Variants in SP4 observed in about 807,000 individuals in gnomAD.
SP4 encodes the protein Sp4 transcription factor.
In SP4, 19 loss-of-function variants were observed where a neutral mutation model predicts 72.8. The ratio of observed to expected loss-of-function variants is 0.26; its 90% CI spans 0.18 to 0.38. The LOEUF (loss-of-function observed/expected upper bound fraction) is 0.38. Ranked by LOEUF, SP4 falls within the 10% of genes least tolerant of loss-of-function variation. The pLI, the probability that SP4 is intolerant of heterozygous loss-of-function variation, is 1.00. For missense variants in SP4, 1,008 were observed against 926.3 expected, an observed-to-expected ratio of 1.09 and a Z score of -1.14; for synonymous variants, 395 against 333.1, an observed-to-expected ratio of 1.19 and a Z score of -2.02.
chr7:21,477,235 AAGAGGT>A lies in SP4; in HGVS notation c.1837_1842del (p.Glu613_Val614del), dbSNP rs764290429. On this transcript the variant is annotated inframe_deletion, in exon 4 of 6. Transcript: ENST00000222584. Reference sequence around the variant, plus strand: ...CAGCAAGGCCAGCAGACTTCTGATCAAGAGGTACAACCTGGCAAGAGGCTTCGAAGA... The same window carrying A: ...CAGCAAGGCCAGCAGACTTCTGATCAACAACCTGGCAAGAGGCTTCGAAGA... 4 of 1,614,216 alleles carry A rather than the reference AAGAGGT, an allele frequency of 2.5e-6. No individual in the cohort carries two copies. Among genetic ancestry groups the A allele is most frequent in the Non-Finnish European group, 2.5e-6 (3 of 1,180,024 alleles).
chr7:21,441,878 G>A (rs1352761430), intron 3 of SP4, among the ~76,000 whole-genome samples: 1 of 152,126 alleles, frequency 6.6e-6, no homozygotes, highest in Non-Finnish European at 1.5e-5. Flanking sequence ...AGAAACTAAA[G>A]ATGAAGTGAG....
chr7:21,496,777 G>T (rs1781719768), intron 5 of SP4, among the ~76,000 whole-genome samples: 1 of 151,928 alleles, frequency 6.6e-6, no homozygotes, highest in Non-Finnish European at 1.5e-5. Context: ...GTGCTGAAAG[G>T]TTCTGTGTGC....
rs1255775223 is a variant in SP4, at chr7:21,512,202, A to G, written c.*933A>G. 1 of 152,620 alleles carries G rather than the reference A, an allele frequency of 6.6e-6. No individual in the cohort carries two copies. The allele number at this position is 152,620 out of a possible 1,614,324, so 9.5% of individuals were successfully genotyped here. On this transcript the variant is annotated 3_prime_UTR_variant, in exon 6 of 6. Coordinates refer to ENST00000222584, the MANE Select transcript of SP4 (RefSeq NM_003112.5). ...TATTTTGTAAATATGAGTTATGTTG[A>G]CAATGTGCAGAATTCTTTATGCTTT...
chr7:21,511,034 T>A lies in SP4; in HGVS notation c.2120T>A (p.Phe707Tyr). The A allele has an allele frequency of 6.2e-7, 1 of 1,604,976 alleles. No individual in the cohort carries two copies. Among genetic ancestry groups the A allele is most frequent in the Non-Finnish European group, 8.5e-7 (1 of 1,174,178 alleles). The change falls in exon 6 of 6, where the codon TTT (phenylalanine) becomes TAT (tyrosine). Residue 707 changes from phenylalanine (F) to tyrosine (Y), a missense_variant. Phe to Tyr is a conservative substitution (Grantham distance 22). Around this residue, in one of 3 missense-constraint regions of SP4, gnomAD observed 48 missense variants for 117.0 expected, o/e 0.41. Transcript: ENST00000222584. ...TTTTTCTATGTAGGTGAAAAGAGAT[T>A]TGAATGCCCGGAATGTTCTAAAAGG... ...HRRTHTGEKR[F>Y]ECPECSKRFM...
chr7:21,497,179 T>C (rs935706079), intron 5 of SP4, among the ~76,000 whole-genome samples: 3 of 152,258 alleles, frequency 2.0e-5, no homozygotes, highest in Admixed American at 2.0e-4. Context: ...CTCATGGGGC[T>C]ACTTCACAGA....
intron 3 of SP4, among the ~76,000 whole-genome samples, chr7:21,458,246 G>A (rs1185642604): frequency 2.6e-5 from 4 of 152,182 alleles, no homozygotes; most frequent in Non-Finnish European, 1.5e-5. Flanking sequence ...AGGCTGGAGT[G>A]CAATGGCACA....
chr7:21,440,906 T>G (rs1331031638), intron 3 of SP4, among the ~76,000 whole-genome samples: 1 of 151,908 alleles, frequency 6.6e-6, no homozygotes, highest in African/African-American at 2.4e-5. Context: ...ACAGGTGGTG[T>G]ATTTCAGTAT....
At position 21,429,479 on chromosome 7, in the gene SP4, T is replaced by A. The variant is rs917779799; in HGVS notation, c.314T>A (p.Val105Asp). 1.2e-6 allele frequency: 2 copies of A among 1,614,232 alleles called. No homozygotes were observed. Among genetic ancestry groups the A allele is most frequent in the Admixed American group, 3.3e-5 (2 of 60,032 alleles). Residue 105 changes from valine (V) to aspartate (D), a missense_variant, in exon 3 of 6, where the codon GTT (valine) becomes GAT (aspartate). By Grantham distance (152) the Val-to-Asp change is radical. Coordinates refer to ENST00000222584, the MANE Select transcript of SP4 (RefSeq NM_003112.5). Reference protein sequence around the residue: ...TQLAGNAWQLVASTPPASKEN... With the variant: ...TQLAGNAWQLDASTPPASKEN... Reference sequence around the variant, plus strand: ...CTTGCTGGAAACGCTTGGCAACTTGTTGCCTCCACTCCTCCTGCTTCAAAA... The same window carrying A: ...CTTGCTGGAAACGCTTGGCAACTTGATGCCTCCACTCCTCCTGCTTCAAAA...
In SP4 at chr7:21,477,067, CT is replaced by C; in HGVS notation, c.1679-10del. 2 of 1,568,946 alleles carry C rather than the reference CT, an allele frequency of 1.3e-6. No individual in the cohort carries two copies. The highest frequency in any genetic ancestry group is 1.7e-6 in the Non-Finnish European group (2 of 1,153,128). The stretch of plus-strand genomic sequence containing the variant: ...AAACATTACAATACTTCTTTTTTTT[CT>C]TCCTTTTTAGGTCAGCAGCAAGGAC... On this transcript the variant is annotated splice_polypyrimidine_tract_variant and intron_variant, in intron 3 of 5. Transcript: ENST00000222584.
At chr7:21,430,994 A>G in intron 3 of SP4, 151 bp downstream of exon 3, 1 of 600,410 alleles carries the variant, frequency 1.7e-6, no homozygotes. Flanking sequence ...TAACAAACAT[A>G]GCTCTGTAGT....
At chr7:21,442,038 A>G (rs10251078) in intron 3 of SP4, among the ~76,000 whole-genome samples, 33 of 93,300 alleles carry the variant, frequency 3.5e-4, no homozygotes, top group African/African-American at 9.2e-4. Context: ...GTGTGTGTGT[A>G]TTTTTTTTTT....
rs1416642894 is a variant in SP4 at position 21,487,771 on chromosome 7, G to A, written c.2107+5648G>A. 1.3e-4 allele frequency among the ~76,000 whole-genome samples: 19 copies of A among 149,002 alleles called. No individual in the cohort carries two copies. The South Asian group carries it at 3.7e-3, about 29-fold the overall frequency. ...GATGATGATGATGATGATGGTGGTGGTGGTGGTGGTGGTGGTGGTGGTGGT... is the reference window on the plus strand; with the variant it reads ...GATGATGATGATGATGATGGTGGTGATGGTGGTGGTGGTGGTGGTGGTGGT... On this transcript the variant is annotated intron_variant, in intron 5 of 5. Coordinates refer to ENST00000222584, the MANE Select transcript of SP4 (RefSeq NM_003112.5).
At chr7:21,491,176 A>G (rs1013823356) in intron 5 of SP4, among the ~76,000 whole-genome samples, 5 of 152,246 alleles carry the variant, frequency 3.3e-5, no homozygotes, top group African/African-American at 4.8e-5. Flanking sequence ...ACTGAAATCA[A>G]TGGAAAGGCA....
Position 21,428,698 on chromosome 7 carries a change from A to C in SP4, c.29A>C (p.Glu10Ala). ...GCAGATCAGAAGAAGGAGGAGGAGG[A>C]GGAGGCGGCAGCGGCAGCGGCGATG... The part of the protein sequence containing the change: MSDQKKEEE[E>A]EAAAAAAMAT... The change falls in exon 2 of 6, where the codon GAG becomes GCG. Residue 10 changes from glutamate to alanine, a missense_variant. By Grantham distance (107) the Glu-to-Ala change is moderately radical. Around this residue, in one of 3 missense-constraint regions of SP4, gnomAD observed 893 missense variants for 743.3 expected, o/e 1.20. Coordinates refer to ENST00000222584, the MANE Select transcript of SP4 (RefSeq NM_003112.5). The C allele has an allele frequency of 1.3e-6, 2 of 1,554,370 alleles. No homozygotes were observed. Among genetic ancestry groups the C allele is most frequent in the East Asian group, 2.4e-5 (1 of 41,086 alleles).
At chr7:21,491,995 G>A (rs1019931955) in intron 5 of SP4, among the ~76,000 whole-genome samples, 9 of 152,124 alleles carry the variant, frequency 5.9e-5, no homozygotes, top group African/African-American at 2.2e-4. Context: ...CTTGCCAAAA[G>A]AAATGCTAAA....
In SP4 at chr7:21,429,293, C is replaced by T. The variant is rs1345209851; in HGVS notation, c.128C>T (p.Ser43Phe). 2 of 1,536,474 alleles carry T rather than the reference C, an allele frequency of 1.3e-6. No individual in the cohort carries two copies. Among genetic ancestry groups the T allele is most frequent in the Non-Finnish European group, 1.8e-6 (2 of 1,126,468 alleles). ...KKPKTSGSQD[S>F]QPSPLALLAA... Reference sequence around the variant, plus strand: ...TTACCGTCCCATTTTGGGTAGGACTCTCAGCCCTCTCCTCTGGCTTTACTG... The same window carrying T: ...TTACCGTCCCATTTTGGGTAGGACTTTCAGCCCTCTCCTCTGGCTTTACTG... Residue 43 changes from serine (S) to phenylalanine (F), a missense_variant, in exon 3 of 6, where the codon TCT becomes TTT. By Grantham distance (155) the Ser-to-Phe change is radical. Coordinates refer to ENST00000222584, the MANE Select transcript of SP4 (RefSeq NM_003112.5).
At chr7:21,470,532 A>G (rs1784302913) in intron 3 of SP4, among the ~76,000 whole-genome samples, 2 of 152,150 alleles carry the variant, frequency 1.3e-5, no homozygotes, top group South Asian at 2.1e-4. Context: ...TTTTTCCTTT[A>G]CCAGCTAAAC....
intron 5 of SP4, among the ~76,000 whole-genome samples, chr7:21,504,438 G>A (rs1781944169): frequency 6.6e-6 from 1 of 152,148 alleles, no homozygotes; most frequent in Admixed American, 6.5e-5. Flanking sequence ...CAGCCATTAG[G>A]TAATCTACCT....
intron 3 of SP4, among the ~76,000 whole-genome samples, chr7:21,442,006 T>TTTGTGTG (rs1783262627): frequency 1.5e-5 from 2 of 130,534 alleles, no homozygotes; most frequent in African/African-American, 6.0e-5. Context: ...GTGTGTGTGT[T>TTTGTGTG]TGTGTGTGTG....
Sources: gnomAD v4.1 joint callset for allele counts (sites outside exome capture counted in the v4.1 genomes callset) on GRCh38, gnomAD v4.1.1 for gene constraint, gnomAD v4.1.1 regional missense constraint, MANE v1.5 for transcripts, NCBI Gene and HGNC (gene_info 2026-07-23, HGNC 2026-07-21) for gene names.